Variants in SNX1 observed in about 807,000 individuals in gnomAD.
SNX1 encodes sorting nexin 1, also known as sorting nexin-1.
In SNX1, 36 loss-of-function variants were observed where a neutral mutation model predicts 71.8. The ratio of observed to expected loss-of-function variants is 0.50; its 90% CI spans 0.38 to 0.66. The LOEUF is 0.66. SNX1 is among the 30% of genes least tolerant of loss of function. The pLI is 0.00. For synonymous variants in SNX1, 254 were observed against 240.7 expected (o/e 1.06, Z -0.51); for missense variants, 612 against 646.7 (o/e 0.95, Z 0.58).
chr15:64,134,805 G>C lies in SNX1; in HGVS notation c.1363G>C (p.Glu455Gln). The C allele has an allele frequency of 6.2e-7, 1 of 1,613,824 alleles. No individual in the cohort carries two copies. The highest frequency in any genetic ancestry group is 8.5e-7 in the Non-Finnish European group (1 of 1,180,006). Residue 455 changes from glutamate to glutamine, a missense_variant and splice_region_variant, in exon 12 of 15, where the codon GAG becomes CAG. Physicochemically the swap from Glu to Gln is conservative, Grantham distance 29 (BLOSUM62 2). This residue lies in a region of SNX1 where 296 missense variants were observed against 361.9 expected (regional missense o/e 0.82). Transcript: ENST00000559844. The surrounding 1 kb of genome is among the most constrained non-coding windows in gnomAD (Gnocchi z 4.1). ...GCAGCAGGCCAAGGACGAGATCCTC[G>C]AGGTGAGTCCACTGAGGCAGCCCAG... The part of the protein sequence containing the change: ...KLQQAKDEIL[E>Q]WESRVTQYER...
Position 64,127,795 on chromosome 15 carries a change from GAA to G in SNX1, c.800_801del (p.Lys267ArgfsTer37). The G allele has an allele frequency of 6.2e-7, 1 of 1,613,208 alleles. No individual in the cohort carries two copies. Among genetic ancestry groups the G allele is most frequent in the East Asian group, 2.2e-5 (1 of 44,878 alleles). The part of the protein sequence containing the change: ...LQDPDVREFL[E>X]KEELPRAVGT... ...GGACCCTGACGTCAGAGAGTTCTTGGAAAAAGAAGAGGTTAGTATTCAGTGCA... is the reference window on the plus strand; with the variant it reads ...GGACCCTGACGTCAGAGAGTTCTTGGAAAGAAGAGGTTAGTATTCAGTGCA... On this transcript the variant is annotated frameshift_variant, in exon 8 of 15. Transcript: ENST00000559844. LOFTEE classifies it high-confidence loss of function.
intron 4 of SNX1, among the ~76,000 whole-genome samples, chr15:64,119,315 T>C (rs2081166976): frequency 6.6e-6 from 1 of 151,590 alleles, no homozygotes; most frequent in African/African-American, 2.4e-5. Flanking sequence ...AGAGATGGGG[T>C]CTTGCTATGT....
chr15:64,136,539 GC>G, intron 13 of SNX1, 129 bp downstream of exon 13: 1 of 777,536 alleles, frequency 1.3e-6, no homozygotes, highest in East Asian at 2.6e-5. Flanking sequence ...AGCAGGCGTG[GC>G]CTTCTTTGGG....
chr15:64,135,020 A>C, intron 12 of SNX1: 1 of 571,956 alleles, frequency 1.7e-6, no homozygotes, highest in South Asian at 2.7e-5. Context: ...GACTTGTCAA[A>C]TCAGAATCTC....
At chr15:64,097,753 G>C (rs1201754816) in intron 1 of SNX1, among the ~76,000 whole-genome samples, 3 of 152,220 alleles carry the variant, frequency 2.0e-5, no homozygotes, top group Non-Finnish European at 4.4e-5. Context: ...TGCTGGGTCT[G>C]TGAATTTATC....
At chr15:64,100,427 C>A (rs1288623078) in intron 1 of SNX1, among the ~76,000 whole-genome samples, 1 of 151,960 alleles carries the variant, frequency 6.6e-6, no homozygotes, top group African/African-American at 2.4e-5. Flanking sequence ...TGGTGAAACC[C>A]TGTTTCTACT....
At chr15:64,101,161 A>G (rs187489823) in intron 1 of SNX1, among the ~76,000 whole-genome samples, 1 of 152,300 alleles carries the variant, frequency 6.6e-6, no homozygotes, top group African/African-American at 2.4e-5. Context: ...TTGCCATCTT[A>G]ATCATTTTTA....
At chr15:64,102,150 T>C (rs1340886833) in intron 1 of SNX1, among the ~76,000 whole-genome samples, 1 of 152,210 alleles carries the variant, frequency 6.6e-6, no homozygotes, top group Non-Finnish European at 1.5e-5. Flanking sequence ...ATCTATTGAA[T>C]TTTATTATTT....
At chr15:64,130,448 T>C (rs1364369319) in intron 10 of SNX1, 127 bp downstream of exon 10, 5 of 731,160 alleles carry the variant, frequency 6.8e-6, no homozygotes, top group African/African-American at 1.8e-5. Context: ...ACCTGGTCCT[T>C]GATGTTCTGA....
intron 2 of SNX1, among the ~76,000 whole-genome samples, chr15:64,116,141 G>A (rs1241847127): frequency 6.6e-6 from 1 of 152,142 alleles, no homozygotes; most frequent in Non-Finnish European, 1.5e-5. Context: ...ATTATATACT[G>A]TATTCTTACA....
rs1273181874 is a variant in SNX1, at chr15:64,144,062, CTT to C, written c.*6446_*6447del. On this transcript the variant is annotated 3_prime_UTR_variant, in exon 15 of 15. Transcript: ENST00000559844. The surrounding 1 kb of genome is among the most constrained non-coding windows in gnomAD (Gnocchi z 4.3). ...GCATGATATTCACATTTATATAAAA[CTT>C]TATATATGGGAAGGATGTTGATTGA... The C allele has an allele frequency of 2.6e-5, 4 of 151,664 alleles. No homozygotes were observed. The highest frequency in any genetic ancestry group is 5.9e-5 in the Non-Finnish European group (4 of 68,020). 9.4% of individuals were successfully genotyped at this position (151,664 alleles called of 1,614,324 possible). A position where few individuals can be genotyped will look rare whatever the true frequency, so the allele number is the denominator to read the frequency against.
chr15:64,131,713 G>A lies in SNX1; in HGVS notation c.1042G>A (p.Ala348Thr). Residue 348 changes from alanine (A) to threonine (T), a missense_variant, in exon 11 of 15, where the codon GCA becomes ACA. Around this residue, in one of 2 missense-constraint regions of SNX1, gnomAD observed 296 missense variants for 361.9 expected, o/e 0.82. Coordinates refer to ENST00000559844, the MANE Select transcript of SNX1 (RefSeq NM_003099.5). ...GCTAGCGCTGAACACAGCCCAGTTT[G>A]CAAAGAGTCTAGCCATGCTTGGGAG... is the stretch of plus-strand genomic sequence containing the variant. ...KELALNTAQF[A>T]KSLAMLGSSE... The A allele has an allele frequency of 6.2e-7, 1 of 1,614,156 alleles. No individual in the cohort carries two copies. The highest frequency in any genetic ancestry group is 8.5e-7 in the Non-Finnish European group (1 of 1,180,040).
intron 7 of SNX1, 73 bp downstream of exon 7, chr15:64,127,325 G>C: frequency 8.7e-7 from 1 of 1,155,370 alleles, no homozygotes; most frequent in Non-Finnish European, 1.3e-6. Flanking sequence ...TCTAAATGAC[G>C]AGACAGTCCA....
chr15:64,133,967 G>A (rs1475709155), intron 11 of SNX1, among the ~76,000 whole-genome samples: 1 of 152,226 alleles, frequency 6.6e-6, no homozygotes, highest in Non-Finnish European at 1.5e-5. Flanking sequence ...GGAGCTTCTT[G>A]GAGGCCTTGG....
At chr15:64,119,688 C>T (rs901634286) in intron 4 of SNX1, among the ~76,000 whole-genome samples, 3 of 151,300 alleles carry the variant, frequency 2.0e-5, no homozygotes, top group Non-Finnish European at 4.4e-5. Context: ...CATGCCACTG[C>T]CCTCCATCCT....
intron 4 of SNX1, among the ~76,000 whole-genome samples, chr15:64,123,284 G>A (rs1284288169): frequency 6.6e-6 from 1 of 152,194 alleles, no homozygotes; most frequent in African/African-American, 2.4e-5. Flanking sequence ...AACTCAAACT[G>A]GGGCTCAGCC....
intron 12 of SNX1, among the ~76,000 whole-genome samples, chr15:64,135,652 A>AG (rs1326286526): frequency 6.6e-6 from 1 of 151,184 alleles, no homozygotes; most frequent in Non-Finnish European, 1.5e-5. Flanking sequence ...TCAGATACTC[A>AG]GGAGGCTGAG....
chr15:64,132,722 C>T (rs964217490), intron 11 of SNX1, among the ~76,000 whole-genome samples: 4 of 152,216 alleles, frequency 2.6e-5, no homozygotes, highest in African/African-American at 9.6e-5. Context: ...CGTTCCCCGT[C>T]CCCAACATAT....
chr15:64,126,030 C>G, intron 5 of SNX1, 49 bp from the exon 6 acceptor site: 1 of 1,599,390 alleles, frequency 6.3e-7, no homozygotes, highest in Non-Finnish European at 8.6e-7. Flanking sequence ...TTCAAGATAC[C>G]ATCCCCTATT....
Sources: gnomAD v4.1 joint callset for allele counts (sites outside exome capture counted in the v4.1 genomes callset) on GRCh38, gnomAD v4.1.1 for gene constraint, gnomAD v4.1.1 regional missense constraint, Gnocchi (gnomAD v3.1) non-coding constraint, MANE v1.5 for transcripts, NCBI Gene and HGNC (gene_info 2026-07-23, HGNC 2026-07-21) for gene names.